SLC71A1: variants seen among roughly 807,000 people sequenced by gnomAD.
SLC71A1 encodes the protein hippocampus abundant gene transcript 1.
chr1:100,054,773 T>A, the SLC71A1 span, among the ~76,000 whole-genome samples: 2 of 152,206 alleles, frequency 1.3e-5, no homozygotes, highest in Non-Finnish European at 2.9e-5. Context: ...TTTTCTCTGT[T>A]CACCTCTAAA....
chr1:100,054,041 CT>C, the SLC71A1 span, among the ~76,000 whole-genome samples: 1,725 of 133,200 alleles, frequency 0.013, 9 homozygotes, highest in Middle Eastern at 0.062. Flanking sequence ...TTTTTCTTTC[CT>C]TTTTTTTTTT....
At chr1:100,082,275 G>A in the SLC71A1 span, 2 of 1,216,464 alleles carry the variant, frequency 1.6e-6, no homozygotes, top group Non-Finnish European at 2.4e-6. Flanking sequence ...AGTTCTGGAT[G>A]TACATTCCAT....
the SLC71A1 span, among the ~76,000 whole-genome samples, chr1:100,053,313 G>A: frequency 6.6e-6 from 1 of 152,114 alleles, no homozygotes; most frequent in Admixed American, 6.6e-5. Flanking sequence ...GTGTAAAGAG[G>A]TGGGTTTCTG....
At chr1:100,055,849 T>C in the SLC71A1 span, among the ~76,000 whole-genome samples, 3 of 152,194 alleles carry the variant, frequency 2.0e-5, no homozygotes, top group Non-Finnish European at 4.4e-5. Context: ...GCTTCCTGGA[T>C]TCAAGCAATT....
the SLC71A1 span, among the ~76,000 whole-genome samples, chr1:100,074,614 C>G: frequency 6.6e-6 from 1 of 152,092 alleles, no homozygotes; most frequent in East Asian, 1.9e-4. Context: ...CGTGGTGGCT[C>G]ACGCCTGAGA....
At chr1:100,058,759 A>G in the SLC71A1 span, 48 of 1,116,196 alleles carry the variant, frequency 4.3e-5, no homozygotes, top group Middle Eastern at 2.0e-4. Context: ...ATATGTGTAT[A>G]TATACATACA....
the SLC71A1 span, among the ~76,000 whole-genome samples, chr1:100,046,957 G>T: frequency 6.6e-6 from 1 of 152,130 alleles, no homozygotes; most frequent in African/African-American, 2.4e-5. Flanking sequence ...TAGTTTTTTG[G>T]TGGAGTATTT....
At chr1:100,041,607 G>A in the SLC71A1 span, among the ~76,000 whole-genome samples, 1 of 152,108 alleles carries the variant, frequency 6.6e-6, no homozygotes, top group South Asian at 2.1e-4. Flanking sequence ...TAGTGAATTT[G>A]CTTTTAAAGC....
chr1:100,043,489 A>AGAAT, the SLC71A1 span, among the ~76,000 whole-genome samples: 1 of 152,210 alleles, frequency 6.6e-6, no homozygotes, highest in Non-Finnish European at 1.5e-5. Flanking sequence ...GAAACTTAAT[A>AGAAT]GAATGGTTCA....
chr1:100,064,769 G>T, the SLC71A1 span, among the ~76,000 whole-genome samples: 3 of 151,014 alleles, frequency 2.0e-5, no homozygotes, highest in Admixed American at 1.3e-4. Context: ...TATCCCCCAG[G>T]CTGGAGTGCA....
the SLC71A1 span, chr1:100,082,488 A>G: frequency 7.7e-6 from 3 of 391,442 alleles, no homozygotes; most frequent in Non-Finnish European, 1.4e-5. Context: ...AAAACTATAT[A>G]TGTAACTTCT....
chr1:100,046,383 G>A, the SLC71A1 span, among the ~76,000 whole-genome samples: 19 of 151,786 alleles, frequency 1.3e-4, no homozygotes, highest in Admixed American at 7.9e-4. Context: ...CCACCACCAC[G>A]CCTGGCTAAT....
the SLC71A1 span, chr1:100,080,750 T>C: frequency 4.0e-5 from 45 of 1,116,038 alleles, no homozygotes; most frequent in Non-Finnish European, 5.4e-5. Flanking sequence ...TTATGTGAGA[T>C]TCTATTTGAG....
At chr1:100,052,768 C>A in the SLC71A1 span, among the ~76,000 whole-genome samples, 1 of 144,938 alleles carries the variant, frequency 6.9e-6, no homozygotes, top group Non-Finnish European at 1.5e-5. Context: ...TTTTCTTTTT[C>A]TTTTTTTTTT....
chr1:100,053,749 A>C, the SLC71A1 span, among the ~76,000 whole-genome samples: 1 of 152,216 alleles, frequency 6.6e-6, no homozygotes, highest in Non-Finnish European at 1.5e-5. Context: ...AGAACAGTCA[A>C]AAAACAAAAG....
chr1:100,051,546 A>T, the SLC71A1 span, among the ~76,000 whole-genome samples: 177 of 152,126 alleles, frequency 1.2e-3, 1 homozygote, highest in East Asian at 1.9e-4. Context: ...ATCCAAGTAC[A>T]ACGATTTGGA....
At chr1:100,057,604 TCTTC>T in the SLC71A1 span, among the ~76,000 whole-genome samples, 2 of 152,186 alleles carry the variant, frequency 1.3e-5, no homozygotes, top group Non-Finnish European at 2.9e-5. Flanking sequence ...TCCATCCGCC[TCTTC>T]CTTCCAAAGT....
the SLC71A1 span, chr1:100,077,116 G>A: frequency 5.3e-5 from 47 of 887,322 alleles, no homozygotes; most frequent in Non-Finnish European, 2.0e-5. Context: ...ATTGAAAGAA[G>A]TCACTTTTTA....
chr1:100,051,682 T>C, the SLC71A1 span, among the ~76,000 whole-genome samples: 1 of 152,206 alleles, frequency 6.6e-6, no homozygotes, highest in African/African-American at 2.4e-5. Context: ...ACATTAGCTT[T>C]CCTAATGCGC....
Sources: gnomAD v4.1 joint callset for allele counts (sites outside exome capture counted in the v4.1 genomes callset) on GRCh38, gnomAD v4.1.1 for gene constraint, MANE v1.5 for transcripts, NCBI Gene and HGNC (gene_info 2026-07-23, HGNC 2026-07-21) for gene names.